The following MACF1 variants were observed in gnomAD, a reference collection of about 807,000 sequenced individuals.
The protein encoded by MACF1 is microtubule actin crosslinking factor 1.
MACF1 carries 193 observed loss-of-function variants against 854.8 expected under a neutral mutation model. The observed-to-expected ratio is 0.23, with a 90% CI of 0.20 to 0.25. The LOEUF is 0.25. MACF1 is among the 10% of genes least tolerant of loss of function. MACF1 has a pLI of 1.00. For synonymous variants in MACF1, 3,185 were observed against 3,226.7 expected (o/e 0.99, Z 0.44); for missense variants, 7,722 against 8,929.1 (o/e 0.86, Z 5.45).
At chr1:39,451,793 G>A (rs1644346316) in intron 85 of MACF1, among the ~76,000 whole-genome samples, 1 of 152,146 alleles carries the variant, frequency 6.6e-6, no homozygotes, top group African/African-American at 2.4e-5. Flanking sequence ...TGGGCCTTAA[G>A]CAACTTTTCA....
intron 4 of MACF1, among the ~76,000 whole-genome samples, chr1:39,252,824 T>A (rs1645056396): frequency 1.3e-5 from 2 of 152,198 alleles, no homozygotes; most frequent in African/African-American, 4.8e-5. Flanking sequence ...CAGAGAGGCC[T>A]TGACATCTCT....
In MACF1 at chr1:39,298,900, C is replaced by T. The variant is rs531768107; in HGVS notation, c.2481+1155C>T. On this transcript the variant is annotated intron_variant, in intron 21 of 100. Transcript: ENST00000564288. The stretch of plus-strand genomic sequence containing the variant: ...CAGTGGTTGTCATATCTTCTCTTCT[C>T]GAGGGTCGCTGCTCTGTTCCCTCCT... Among the ~76,000 whole-genome samples, 105 of 152,090 alleles carry T rather than the reference C, an allele frequency of 6.9e-4. 1 individual carries two copies. In the South Asian group the frequency reaches 0.021, roughly 31 times the overall value.
At chr1:39,468,013 G>T (rs1303893815) in intron 95 of MACF1, 1 of 152,180 alleles carries the variant, frequency 6.6e-6, no homozygotes, top group African/African-American at 2.4e-5. Flanking sequence ...AAAATAAAGT[G>T]ACCTAACACT....
chr1:39,186,210 C>A (rs1034473225), intron 2 of MACF1, among the ~76,000 whole-genome samples: 1 of 69,354 alleles, frequency 1.4e-5, no homozygotes, highest in African/African-American at 6.9e-5. Flanking sequence ...CTCTCTCTCT[C>A]TCTCTGTGTG....
chr1:39,269,172 T>C (rs1290664367), intron 6 of MACF1: 1 of 1,289,908 alleles, frequency 7.8e-7, no homozygotes, highest in African/African-American at 1.5e-5. Context: ...CTGCGAGAAG[T>C]CAGTGAGCCA....
rs548844498 is a variant in MACF1 at position 39,101,279 on chromosome 1, C to T, written c.220+16841C>T. On this transcript the variant is annotated intron_variant, in intron 2 of 93. Coordinates refer to the MACF1 transcript ENST00000361689. ...GGCTGAGGCAGGAGAATCACTTGAA[C>T]CCAGGAGGTGGAGGTTGCAGTGAGC... Among the ~76,000 whole-genome samples the T allele has an allele frequency of 1.1e-4, 16 of 151,268 alleles. No homozygotes were observed. In the East Asian group the frequency reaches 3.2e-3, roughly 30 times the overall value.
At chr1:39,194,466 G>A (rs948262672) in intron 2 of MACF1, among the ~76,000 whole-genome samples, 2 of 148,048 alleles carry the variant, frequency 1.4e-5, no homozygotes, top group African/African-American at 5.0e-5. Flanking sequence ...GGATTCTTCT[G>A]ACTCAGCCTC....
chr1:39,100,481 A>T (rs1373260268), intron 2 of MACF1, among the ~76,000 whole-genome samples: 1 of 152,112 alleles, frequency 6.6e-6, no homozygotes, highest in African/African-American at 2.4e-5. Context: ...CTCCTTAAAT[A>T]CTCTAGCCTT....
intron 56 of MACF1, among the ~76,000 whole-genome samples, chr1:39,383,981 G>C (rs964758053): frequency 2.0e-5 from 3 of 152,044 alleles, no homozygotes; most frequent in African/African-American, 7.2e-5. Flanking sequence ...ATGCCATGTA[G>C]CTTCTGGGAA....
chr1:39,287,053 T>C (rs542051186), intron 14 of MACF1, among the ~76,000 whole-genome samples: 4 of 151,042 alleles, frequency 2.6e-5, no homozygotes, highest in Non-Finnish European at 5.9e-5. Flanking sequence ...CTCCGCCTCC[T>C]GAGTTCAAGC....
At chr1:39,125,378 TTAG>T (rs1368478196) in intron 2 of MACF1, among the ~76,000 whole-genome samples, 1 of 152,212 alleles carries the variant, frequency 6.6e-6, no homozygotes, top group African/African-American at 2.4e-5. Flanking sequence ...GATTTCCTCG[TTAG>T]TAGTGGGGAG....
At chr1:39,187,060 T>C (rs1412005122) in intron 2 of MACF1, among the ~76,000 whole-genome samples, 1 of 152,072 alleles carries the variant, frequency 6.6e-6, no homozygotes, top group Non-Finnish European at 1.5e-5. Flanking sequence ...AGTTTTTTTA[T>C]TCTTACCCCC....
intron 97 of MACF1, 29 bp from the exon 98 acceptor site, chr1:39,479,769 C>A: frequency 6.3e-7 from 1 of 1,585,726 alleles, no homozygotes; most frequent in Non-Finnish European, 8.7e-7. Context: ...GAAGAACTGA[C>A]ATTGTGTGTG....
rs141097376 is a variant in MACF1, at chr1:39,337,249, G to A, written c.10133G>A (p.Arg3378Gln). 2.7e-5 allele frequency: 43 copies of A among 1,613,864 alleles called. No individual in the cohort carries two copies. The highest frequency in any genetic ancestry group is 4.5e-5 in the East Asian group (2 of 44,878). Reference sequence around the variant, plus strand: ...CTAGTATCCTATCTGTCTCTGTTACGGAACATTGAAATGAGGACCAAACAG... The same window carrying A: ...CTAGTATCCTATCTGTCTCTGTTACAGAACATTGAAATGAGGACCAAACAG... ...EKLVSYLSLL[R>Q]NIEMRTKQIQ... The change falls in exon 38 of 101, where the codon CGG (arginine) becomes CAG (glutamine). Residue 3378 changes from arginine (R) to glutamine (Q), a missense_variant. Physicochemically the swap from Arg to Gln is conservative, Grantham distance 43 (BLOSUM62 1). Transcript: ENST00000564288.
In MACF1 at chr1:39,257,823, T is replaced by C. The variant is rs1051680574; in HGVS notation, c.436-113T>C. 3.9e-6 allele frequency: 3 copies of C among 760,958 alleles called. No homozygotes were observed. The African/African-American group carries it at 5.3e-5, about 13-fold the overall frequency. The allele number at this position is 760,958 out of a possible 1,614,324, so 47.1% of individuals were successfully genotyped here. ...ATACATGTGTTAAAACTCATAGAAC[T>C]GTACACCAAAAAAGAAATCAGTTTA... On this transcript the variant is annotated intron_variant, in intron 5 of 100. Coordinates refer to ENST00000564288, the MANE Select transcript of MACF1 (RefSeq NM_001394062.1).
At chr1:39,391,873 C>T (rs865835305) in intron 58 of MACF1, among the ~76,000 whole-genome samples, 6 of 152,200 alleles carry the variant, frequency 3.9e-5, no homozygotes, top group Non-Finnish European at 8.8e-5. Context: ...CTCAGATACT[C>T]TGGATGTGAA....
In MACF1 at chr1:39,105,667, A is replaced by C. The variant is rs1310266990; in HGVS notation, c.220+21229A>C. The C allele has an allele frequency of 8.1e-7, 1 of 1,236,120 alleles. No homozygotes were observed. The highest frequency in any genetic ancestry group is 1.6e-5 in the African/African-American group (1 of 61,532). The allele number at this position is 1,236,120 out of a possible 1,614,324, so 76.6% of individuals were successfully genotyped here. A position where few individuals can be genotyped will look rare whatever the true frequency, so the allele number is the denominator to read the frequency against. ...GGTCAGCAGCCGGCCAACCGCAGCCAGGAGAAGGAGTTCGTGCAGGCGTAC... is the reference window on the plus strand; with the variant it reads ...GGTCAGCAGCCGGCCAACCGCAGCCCGGAGAAGGAGTTCGTGCAGGCGTAC... On this transcript the variant is annotated intron_variant, in intron 2 of 93. Transcript: ENST00000361689. This position sits in a 1 kb window ranked among gnomAD's most constrained non-coding sequence, Gnocchi z 5.9.
Position 39,334,422 on chromosome 1 carries a change from C to A in MACF1, c.7834C>A (p.Pro2612Thr), listed in dbSNP as rs1481931333. ...GTTAACTAATGAAGCAGTATTGTCTCCAGGAATGATGCATGGCATTGTAGA... is the reference window on the plus strand; with the variant it reads ...GTTAACTAATGAAGCAGTATTGTCTACAGGAATGATGCATGGCATTGTAGA... ...GLLTNEAVLSPGMMHGIVDPE... is the reference protein window; with the variant it reads ...GLLTNEAVLSTGMMHGIVDPE... The change falls in exon 37 of 101, where the codon CCA (proline) becomes ACA (threonine). Residue 2612 changes from proline to threonine, a missense_variant. Pro to Thr is a conservative substitution (Grantham distance 38). Around this residue, in one of 15 missense-constraint regions of MACF1, gnomAD observed 1,531 missense variants for 1,601.6 expected, o/e 0.96. Coordinates refer to ENST00000564288, the MANE Select transcript of MACF1 (RefSeq NM_001394062.1). 2 of 1,613,866 alleles carry A rather than the reference C, an allele frequency of 1.2e-6. No individual in the cohort carries two copies. The highest frequency in any genetic ancestry group is 2.7e-5 in the African/African-American group (2 of 74,894).
At chr1:39,200,370 T>C (rs1030943735), upstream of MACF1, among the ~76,000 whole-genome samples, 4 of 152,162 alleles carry the variant, frequency 2.6e-5, no homozygotes, top group African/African-American at 9.7e-5. Context: ...CTATGTTTAC[T>C]CACTAAATAA....
Sources: gnomAD v4.1 joint callset for allele counts (sites outside exome capture counted in the v4.1 genomes callset) on GRCh38, gnomAD v4.1.1 for gene constraint, gnomAD v4.1.1 regional missense constraint, Gnocchi (gnomAD v3.1) non-coding constraint, MANE v1.5 for transcripts, NCBI Gene and HGNC (gene_info 2026-07-23, HGNC 2026-07-21) for gene names.